Variants in B4GALT5 observed in about 807,000 individuals in gnomAD.
B4GALT5 encodes the protein UDP-Gal:beta-GlcNAc beta-1,4-galactosyltransferase 5.
Under a neutral mutation model 45.0 loss-of-function variants are expected in B4GALT5, and 11 were observed. That is an observed-to-expected ratio of 0.24 (90% CI 0.15 to 0.40). The LOEUF (loss-of-function observed/expected upper bound fraction) is 0.40, where lower values mean the gene tolerates loss of function less well. Among genes scored for constraint, B4GALT5 ranks in the 10% least tolerant of loss-of-function variants. The pLI is 1.00. For synonymous variants in B4GALT5, 185 were observed against 182.9 expected (o/e 1.01, Z -0.09); for missense variants, 337 against 500.2 (o/e 0.67, Z 3.11).
chr20:49,693,325 C>T (rs1018248409), intron 1 of B4GALT5, among the ~76,000 whole-genome samples: 1 of 152,194 alleles, frequency 6.6e-6, no homozygotes, highest in African/African-American at 2.4e-5. Flanking sequence ...TTGCTAAGTT[C>T]TTCACTATCA....
chr20:49,662,310 T>G (rs1368192126), intron 1 of B4GALT5, among the ~76,000 whole-genome samples: 1 of 152,082 alleles, frequency 6.6e-6, no homozygotes, highest in East Asian at 1.9e-4. Context: ...ATCACCCTCC[T>G]CTGCTTTGGT....
At chr20:49,679,464 C>G (rs931898760) in intron 1 of B4GALT5, among the ~76,000 whole-genome samples, 1 of 151,278 alleles carries the variant, frequency 6.6e-6, no homozygotes, top group Non-Finnish European at 1.5e-5. Context: ...GTCAGAAGTT[C>G]GAGACCAGCC....
intron 3 of B4GALT5, among the ~76,000 whole-genome samples, chr20:49,645,449 T>C (rs1486307252): frequency 6.6e-6 from 1 of 152,068 alleles, no homozygotes; most frequent in African/African-American, 2.4e-5. Context: ...TTGCCAGTCA[T>C]ATAAAAGTGT....
chr20:49,703,730 A>AAAAAAAAAATAATAAT (rs1555814916), intron 1 of B4GALT5, among the ~76,000 whole-genome samples: 4 of 144,642 alleles, frequency 2.8e-5, no homozygotes, highest in African/African-American at 1.1e-4. Context: ...TTCTACTAAA[A>AAAAAAAAAATAATAAT]AAAAAAAAAA....
chr20:49,647,876 T>C lies in B4GALT5; in HGVS notation c.251-798A>G, dbSNP rs141513797. ...TCTCGGTGATGATTCCTCCCTTCTG[T>C]ACTCTGTGCTGCCTTTCTGGAGAAT... On this transcript the variant is annotated intron_variant, in intron 2 of 8. Coordinates refer to ENST00000371711, the MANE Select transcript of B4GALT5 (RefSeq NM_004776.4). 7.0e-4 allele frequency among the ~76,000 whole-genome samples: 106 copies of C among 152,246 alleles called. 1 individual carries two copies. Among genetic ancestry groups the C allele is most frequent in the Middle Eastern group, 6.8e-3 (2 of 294 alleles).
At chr20:49,697,100 T>C (rs1008197205) in intron 1 of B4GALT5, among the ~76,000 whole-genome samples, 2 of 152,244 alleles carry the variant, frequency 1.3e-5, no homozygotes, top group East Asian at 1.9e-4. Context: ...CAAAGGGATA[T>C]TGTTGCCTCC....
intron 1 of B4GALT5, among the ~76,000 whole-genome samples, chr20:49,706,171 G>T (rs2085882981): frequency 6.7e-6 from 1 of 149,546 alleles, no homozygotes; most frequent in Non-Finnish European, 1.5e-5. Flanking sequence ...CTCCAGTCTG[G>T]GCAACAAGAG....
intron 1 of B4GALT5, among the ~76,000 whole-genome samples, chr20:49,672,261 C>CT (rs1371969752): frequency 3.3e-5 from 5 of 152,184 alleles, no homozygotes; most frequent in African/African-American, 1.2e-4. Context: ...AATTTAAGTG[C>CT]TTCCAAGAAG....
intron 1 of B4GALT5, among the ~76,000 whole-genome samples, chr20:49,687,655 AAAAAT>A (rs1395296824): frequency 2.6e-5 from 4 of 152,174 alleles, no homozygotes; most frequent in Non-Finnish European, 2.9e-5. Flanking sequence ...GGAAAAAATA[AAAAAT>A]AAAATAAAAT....
At chr20:49,645,333 C>A (rs1210884320) in intron 3 of B4GALT5, among the ~76,000 whole-genome samples, 2 of 152,194 alleles carry the variant, frequency 1.3e-5, no homozygotes, top group African/African-American at 4.8e-5. Flanking sequence ...CATAAGATCA[C>A]AATGGAGTTG....
chr20:49,691,362 T>A (rs1465314802), intron 1 of B4GALT5, among the ~76,000 whole-genome samples: 5 of 151,924 alleles, frequency 3.3e-5, no homozygotes, highest in African/African-American at 4.8e-5. Context: ...ACAAAAAAAA[T>A]TTTAAATTAG....
At chr20:49,681,675 G>C (rs2085764672) in intron 1 of B4GALT5, among the ~76,000 whole-genome samples, 1 of 152,202 alleles carries the variant, frequency 6.6e-6, no homozygotes, top group Non-Finnish European at 1.5e-5. Flanking sequence ...TTCTACCGCA[G>C]TCTTCCCATC....
At position 49,683,391 on chromosome 20, in the gene B4GALT5, T is replaced by C. The variant is rs930255382; in HGVS notation, c.116-26689A>G. Among the ~76,000 whole-genome samples, 183 of 143,136 alleles carry C rather than the reference T, an allele frequency of 1.3e-3. 1 individual carries two copies. Among genetic ancestry groups the C allele is most frequent in the African/African-American group, 4.5e-3 (167 of 37,150 alleles). The allele number at this position is 143,136 out of a possible 152,430, so 93.9% of individuals were successfully genotyped here. ...GAGGGCTAGACAGGTTTAAATTTTT[T>C]TTTTTTTTTTTTTTTTTTTGGAGAT... On this transcript the variant is annotated intron_variant, in intron 1 of 8. Coordinates refer to ENST00000371711, the MANE Select transcript of B4GALT5 (RefSeq NM_004776.4).
chr20:49,645,900 G>A (rs12480516), intron 3 of B4GALT5, among the ~76,000 whole-genome samples: 16,141 of 151,756 alleles, frequency 0.11, 954 homozygotes, highest in Admixed American at 0.15. Flanking sequence ...TTGTTGCCCA[G>A]GCTGGAGTGT....
At chr20:49,662,963 AG>A (rs2085671155) in intron 1 of B4GALT5, among the ~76,000 whole-genome samples, 1 of 152,256 alleles carries the variant, frequency 6.6e-6, no homozygotes, top group Admixed American at 6.5e-5. Context: ...GTCCAAAACT[AG>A]AAAGAACTCA....
intron 1 of B4GALT5, among the ~76,000 whole-genome samples, chr20:49,683,324 G>A (rs948259703): frequency 2.6e-5 from 4 of 151,028 alleles, no homozygotes; most frequent in African/African-American, 9.7e-5. Context: ...TGAATAAATT[G>A]TCAGGTAAAT....
chr20:49,642,686 G>A, intron 4 of B4GALT5, 102 bp from the exon 5 acceptor site: 2 of 755,160 alleles, frequency 2.6e-6, no homozygotes, highest in Non-Finnish European at 4.5e-6. Context: ...GGGAGTTCTG[G>A]GAGGCTGGCT....
intron 2 of B4GALT5, among the ~76,000 whole-genome samples, chr20:49,654,790 T>C (rs887393851): frequency 5.3e-5 from 8 of 152,162 alleles, no homozygotes; most frequent in South Asian, 2.1e-4. Flanking sequence ...TTTTAAAATA[T>C]TGGGCTTAGA....
intron 1 of B4GALT5, among the ~76,000 whole-genome samples, chr20:49,703,328 T>A (rs6125723): frequency 0.12 from 17,888 of 152,036 alleles, 1,268 homozygotes; most frequent in East Asian, 0.22. Context: ...TTGGAAAAAA[T>A]TAATTCAGTC....
Sources: gnomAD v4.1 joint callset for allele counts (sites outside exome capture counted in the v4.1 genomes callset) on GRCh38, gnomAD v4.1.1 for gene constraint, MANE v1.5 for transcripts, NCBI Gene and HGNC (gene_info 2026-07-23, HGNC 2026-07-21) for gene names.